The following RBKS variants were observed in gnomAD, a reference collection of about 807,000 sequenced individuals.
RBKS encodes ribokinase.
A neutral mutation model predicts 33.9 loss-of-function variants in RBKS; 33 were observed. The ratio of observed to expected loss-of-function variants is 0.97; its 90% CI spans 0.74 to 1.30. RBKS has a LOEUF of 1.30. Ranked by LOEUF, RBKS falls within the 50% of genes most tolerant of loss-of-function variation. The pLI, the probability that RBKS is intolerant of heterozygous loss-of-function variation, is 0.00. For missense variants in RBKS, 361 were observed against 392.6 expected (o/e 0.92, Z 0.68); for synonymous variants, 125 against 143.0 (o/e 0.87, Z 0.90).
intron 1 of RBKS, among the ~76,000 whole-genome samples, chr2:27,873,471 G>T (rs985419429): frequency 3.3e-5 from 5 of 152,170 alleles, no homozygotes; most frequent in African/African-American, 7.2e-5. Context: ...GAATACCAAA[G>T]AACTGCTTAT....
At chr2:27,882,153 A>T (rs985913731) in intron 1 of RBKS, among the ~76,000 whole-genome samples, 2 of 152,026 alleles carry the variant, frequency 1.3e-5, no homozygotes, top group Admixed American at 6.5e-5. Context: ...ATGGGAGAAA[A>T]TTTTTGCAAA....
chr2:27,880,941 C>T (rs1362891687), intron 1 of RBKS, among the ~76,000 whole-genome samples: 13 of 152,064 alleles, frequency 8.5e-5, no homozygotes, highest in Admixed American at 3.3e-4. Flanking sequence ...GGGCTGCACA[C>T]GATGGCTCAC....
Position 27,861,664 on chromosome 2 carries a change from G to GGGT in RBKS, c.90-3094_90-3093insACC, listed in dbSNP as rs1553380050. The GGGT allele has an allele frequency of 8.8e-5, 19 of 215,470 alleles. No homozygotes were observed. The African/African-American group carries it at 1.2e-3, about 13-fold the overall frequency. 13.3% of individuals were successfully genotyped at this position (215,470 alleles called of 1,614,324 possible). On this transcript the variant is annotated intron_variant, in intron 1 of 7. Coordinates refer to ENST00000302188, the MANE Select transcript of RBKS (RefSeq NM_022128.3). ...AGATTAGTATGTTCCATTTCTTTTT[G>GGGT]GGGGGGGGGTGGAGTCTCACTTTGT...
intron 7 of RBKS, among the ~76,000 whole-genome samples, chr2:27,790,930 A>T (rs1204573135): frequency 1.3e-5 from 2 of 152,260 alleles, no homozygotes; most frequent in African/African-American, 4.8e-5. Context: ...TATTTATCCA[A>T]AAGAAATGAA....
At chr2:27,801,464 T>TATACAC (rs1553375085) in intron 7 of RBKS, among the ~76,000 whole-genome samples, 2 of 136,260 alleles carry the variant, frequency 1.5e-5, no homozygotes, top group Admixed American at 7.2e-5. Flanking sequence ...GGCCACAGTA[T>TATACAC]ACACACACAC....
intron 7 of RBKS, among the ~76,000 whole-genome samples, chr2:27,803,235 C>G (rs1395398925): frequency 1.3e-5 from 2 of 152,176 alleles, no homozygotes; most frequent in Non-Finnish European, 2.9e-5. Context: ...CTAACCAGGT[C>G]AGTTTATGAG....
chr2:27,836,587 G>C (rs1678524113), intron 5 of RBKS, among the ~76,000 whole-genome samples: 1 of 152,206 alleles, frequency 6.6e-6, no homozygotes. Context: ...ACTGGCATTG[G>C]CAAAGAATTT....
At chr2:27,836,832 A>T (rs1678531091) in intron 5 of RBKS, among the ~76,000 whole-genome samples, 1 of 152,234 alleles carries the variant, frequency 6.6e-6, no homozygotes, top group South Asian at 2.1e-4. Flanking sequence ...AAATGGGCAA[A>T]GGACATGAAC....
intron 1 of RBKS, among the ~76,000 whole-genome samples, chr2:27,878,054 A>G (rs1233879623): frequency 6.6e-6 from 1 of 151,260 alleles, no homozygotes. Flanking sequence ...ATTATACTTT[A>G]AGTTTTACGG....
At chr2:27,797,976 T>C (rs1325703536) in intron 7 of RBKS, among the ~76,000 whole-genome samples, 1 of 152,056 alleles carries the variant, frequency 6.6e-6, no homozygotes, top group African/African-American at 2.4e-5. Context: ...GTACTAGCAA[T>C]GTCCTGGAGG....
intron 7 of RBKS, among the ~76,000 whole-genome samples, chr2:27,796,729 A>G (rs1273282865): frequency 6.6e-6 from 1 of 152,080 alleles, no homozygotes; most frequent in South Asian, 2.1e-4. Context: ...AGCTGGCGAG[A>G]TGACCCCAAG....
chr2:27,882,055 A>G (rs1416270751), intron 1 of RBKS, among the ~76,000 whole-genome samples: 1 of 152,228 alleles, frequency 6.6e-6, no homozygotes. Flanking sequence ...AAAAGCAAAA[A>G]TTGACAAATG....
In RBKS at chr2:27,837,728, G is replaced by GA. The variant is rs1458749551; in HGVS notation, c.515-4952dup. On this transcript the variant is annotated intron_variant, in intron 5 of 7. Transcript: ENST00000302188. This position sits in a 1 kb window ranked among gnomAD's most constrained non-coding sequence, Gnocchi z 4.0. ...TCCTAATCAAATTAAAATAAGAACA[G>GA]AAAACCAAATACCACATGTATTCAC... Among the ~76,000 whole-genome samples the GA allele has an allele frequency of 6.6e-6, 1 of 152,134 alleles. No individual in the cohort carries two copies. Among genetic ancestry groups the GA allele is most frequent in the African/African-American group, 2.4e-5 (1 of 41,436 alleles).
At chr2:27,869,653 A>T (rs1446532888) in intron 1 of RBKS, 1 of 154,642 alleles carries the variant, frequency 6.5e-6, no homozygotes, top group Non-Finnish European at 1.4e-5. Flanking sequence ...TTATTATTAC[A>T]GTGTAATATA....
intron 7 of RBKS, among the ~76,000 whole-genome samples, chr2:27,816,512 T>G (rs1404445810): frequency 2.0e-5 from 3 of 152,226 alleles, no homozygotes; most frequent in Non-Finnish European, 4.4e-5. Flanking sequence ...TATTCTATGA[T>G]GCTGATTTCA....
chr2:27,890,179 A>G lies in RBKS; in HGVS notation c.89+78T>C. ...GTCTATCCCTGGAGACCCAGCGCCC[A>G]AAAGCTCCACTGGGCGCATAGCGCA... On this transcript the variant is annotated intron_variant, in intron 1 of 7. Transcript: ENST00000302188. The surrounding 1 kb of genome is among the most constrained non-coding windows in gnomAD (Gnocchi z 4.8). The G allele has an allele frequency of 7.0e-7, 1 of 1,423,564 alleles. No individual in the cohort carries two copies. Among genetic ancestry groups the G allele is most frequent in the Non-Finnish European group, 9.8e-7 (1 of 1,021,716 alleles). The allele number at this position is 1,423,564 out of a possible 1,614,324, so 88.2% of individuals were successfully genotyped here. A position where few individuals can be genotyped will look rare whatever the true frequency, so the allele number is the denominator to read the frequency against.
At chr2:27,800,860 A>G (rs1471277913) in intron 7 of RBKS, among the ~76,000 whole-genome samples, 1 of 152,186 alleles carries the variant, frequency 6.6e-6, no homozygotes, top group Non-Finnish European at 1.5e-5. Flanking sequence ...AGTTCCAGCC[A>G]TGGTCAACAT....
At chr2:27,859,826 G>A (rs1442629341) in intron 1 of RBKS, among the ~76,000 whole-genome samples, 1 of 152,198 alleles carries the variant, frequency 6.6e-6, no homozygotes, top group Non-Finnish European at 1.5e-5. Context: ...CACATAGGTT[G>A]TGATCTATCT....
At chr2:27,789,969 A>ATG (rs1395210010) in intron 7 of RBKS, among the ~76,000 whole-genome samples, 1 of 137,838 alleles carries the variant, frequency 7.3e-6, no homozygotes, top group African/African-American at 2.9e-5. Context: ...ATATATATAT[A>ATG]TATGTATATA....
Sources: allele counts gnomAD v4.1 joint callset (sites outside exome capture counted in the v4.1 genomes callset), GRCh38; gene constraint gnomAD v4.1.1; non-coding constraint Gnocchi (gnomAD v3.1); transcripts MANE v1.5; gene names NCBI Gene and HGNC (gene_info 2026-07-23, HGNC 2026-07-21).